LRCH1: variants seen among roughly 807,000 people sequenced by gnomAD.
LRCH1 encodes leucine-rich repeat and calponin homology domain-containing protein 1.
In LRCH1, 23 loss-of-function variants were observed where a neutral mutation model predicts 94.9. The ratio of observed to expected loss-of-function variants is 0.24; its 90% CI spans 0.17 to 0.34. The LOEUF (loss-of-function observed/expected upper bound fraction) is 0.34, where lower values mean the gene tolerates loss of function less well. Ranked by LOEUF, LRCH1 falls within the 10% of genes least tolerant of loss-of-function variation. LRCH1 has a pLI of 1.00. For missense variants in LRCH1, 790 were observed against 945.9 expected, an observed-to-expected ratio of 0.84 and a Z score of 2.16; for synonymous variants, 364 against 354.9, an observed-to-expected ratio of 1.03 and a Z score of -0.29.
rs143443151 is a variant in LRCH1, at chr13:46,615,722, A to G, written c.308-34479A>G. ...GTGTTCTCGTAATGTTTTTGTCCCC[A>G]AGATTGGATGTTTTTCAGTTGTATT... On this transcript the variant is annotated intron_variant, in intron 1 of 19. Transcript: ENST00000389797. Among the ~76,000 whole-genome samples the G allele has an allele frequency of 2.8e-3, 423 of 152,280 alleles. 4 individuals are homozygous for G. The highest frequency in any genetic ancestry group is 9.7e-3 in the African/African-American group (401 of 41,554).
chr13:46,700,777 GA>G (rs1446524250), intron 10 of LRCH1, among the ~76,000 whole-genome samples: 1 of 152,204 alleles, frequency 6.6e-6, no homozygotes, highest in African/African-American at 2.4e-5. Context: ...TCAGCCAGGT[GA>G]TCCCCTCCAT....
chr13:46,701,235 C>A, intron 11 of LRCH1, 28 bp downstream of exon 11: 1 of 1,494,466 alleles, frequency 6.7e-7, no homozygotes, highest in Non-Finnish European at 9.3e-7. Flanking sequence ...GTCCAGGTTT[C>A]ATGTGTAAAT....
chr13:46,637,702 G>T (rs540283275), intron 1 of LRCH1, among the ~76,000 whole-genome samples: 2 of 135,606 alleles, frequency 1.5e-5, no homozygotes, highest in African/African-American at 2.7e-5. Context: ...CGCTTCTCCC[G>T]CACTTCGTAG....
Position 46,742,075 on chromosome 13 carries a change from G to A in LRCH1, c.*227G>A. 1 of 1,391,832 alleles carries A rather than the reference G, an allele frequency of 7.2e-7. No individual in the cohort carries two copies. The highest frequency in any genetic ancestry group is 9.3e-7 in the Non-Finnish European group (1 of 1,073,202). 86.2% of individuals were successfully genotyped at this position (1,391,832 alleles called of 1,614,324 possible). ...TTACTGAAATACAACGACGACGACT[G>A]CAAAGTGTATGCACACCGCATGCTT... On this transcript the variant is annotated 3_prime_UTR_variant, in exon 20 of 20. Transcript: ENST00000389797.
intron 13 of LRCH1, among the ~76,000 whole-genome samples, chr13:46,710,883 T>C (rs1378586042): frequency 6.6e-6 from 1 of 152,170 alleles, no homozygotes; most frequent in Non-Finnish European, 1.5e-5. Flanking sequence ...AACTAGAGTG[T>C]GTCCCTTGTG....
At position 46,743,044 on chromosome 13, in the gene LRCH1, CTT is replaced by C; in HGVS notation, c.*1198_*1199del. The stretch of plus-strand genomic sequence containing the variant: ...AGAATGTCCCTGGATTCAGGGGTGT[CTT>C]TGTATAATATGAGAGGGCCTTGTTC... On this transcript the variant is annotated 3_prime_UTR_variant, in exon 20 of 20. Transcript: ENST00000389797. 1 of 985,386 alleles carries C rather than the reference CTT, an allele frequency of 1.0e-6. No homozygotes were observed. Among genetic ancestry groups the C allele is most frequent in the Non-Finnish European group, 1.2e-6 (1 of 829,900 alleles). 61.0% of individuals were successfully genotyped at this position (985,386 alleles called of 1,614,324 possible).
chr13:46,742,183 GAGA>G lies in LRCH1; in HGVS notation c.*337_*339del. 3 of 1,154,518 alleles carry G rather than the reference GAGA, an allele frequency of 2.6e-6. No individual in the cohort carries two copies. Among genetic ancestry groups the G allele is most frequent in the Non-Finnish European group, 3.2e-6 (3 of 933,202 alleles). The allele number at this position is 1,154,518 out of a possible 1,614,324, so 71.5% of individuals were successfully genotyped here. On this transcript the variant is annotated 3_prime_UTR_variant, in exon 20 of 20. Transcript: ENST00000389797. Reference sequence around the variant, plus strand: ...AGCTGCTGCCCTGGGCAGAGGGGAGGAGAATTCCAGGACAAGAGTGTCAAGGAC... The same window carrying G: ...AGCTGCTGCCCTGGGCAGAGGGGAGGATTCCAGGACAAGAGTGTCAAGGAC...
chr13:46,575,180 C>G (rs1457983582), intron 1 of LRCH1, among the ~76,000 whole-genome samples: 3 of 152,144 alleles, frequency 2.0e-5, no homozygotes, highest in Admixed American at 6.5e-5. Flanking sequence ...ACCACAGGAA[C>G]AGAGAACTGC....
chr13:46,630,714 G>A (rs1404655147), intron 1 of LRCH1, among the ~76,000 whole-genome samples: 2 of 152,152 alleles, frequency 1.3e-5, no homozygotes, highest in Non-Finnish European at 2.9e-5. Flanking sequence ...CATGGGGAGA[G>A]GTACATTTTG....
At chr13:46,707,275 G>A (rs1350506874) in intron 13 of LRCH1, among the ~76,000 whole-genome samples, 1 of 152,054 alleles carries the variant, frequency 6.6e-6, no homozygotes, top group African/African-American at 2.4e-5. Context: ...TTAATAGAAT[G>A]TTCCTCATTT....
At chr13:46,751,331 A>G (rs1019553086) in exon 19 of LRCH1, 1 of 152,114 alleles carries the variant, frequency 6.6e-6, no homozygotes, top group African/African-American at 2.4e-5. Context: ...AAAAAGCGAA[A>G]AACAGGTGCT....
chr13:46,677,585 T>C (rs2051695345), intron 3 of LRCH1, among the ~76,000 whole-genome samples: 2 of 152,236 alleles, frequency 1.3e-5, no homozygotes, highest in South Asian at 4.1e-4. Flanking sequence ...GAGCACTTAG[T>C]AACAAAAATA....
intron 5 of LRCH1, among the ~76,000 whole-genome samples, chr13:46,687,365 G>A (rs944134788): frequency 1.3e-5 from 2 of 152,106 alleles, no homozygotes; most frequent in East Asian, 3.8e-4. Context: ...TAAACTGCAT[G>A]AGAGAAAAAT....
chr13:46,668,067 T>A (rs7993865), intron 2 of LRCH1, among the ~76,000 whole-genome samples: 80,491 of 152,076 alleles, frequency 0.53, 22,065 homozygotes, highest in East Asian at 0.62. Context: ...ACTCTGTGGT[T>A]GTTGGCTTCA....
rs1288570749 is a variant in LRCH1, at chr13:46,735,788, C to CTTTTTTTTTTTTTTTTT, written c.2085+1794_2085+1795insTTTTTTTTTTTTTTTTT. Among the ~76,000 whole-genome samples, 2 of 69,912 alleles carry CTTTTTTTTTTTTTTTTT rather than the reference C, an allele frequency of 2.9e-5. 1 individual carries two copies. The allele number at this position is 69,912 out of a possible 152,430, so 45.9% of individuals were successfully genotyped here. A position where few individuals can be genotyped will look rare whatever the true frequency, so the allele number is the denominator to read the frequency against. ...AGGTGATTTTCCTTTTTTTCTTTTT[C>CTTTTTTTTTTTTTTTTT]TTTTCTTTTTTTTTTTTTTTTCGAG... is the stretch of plus-strand genomic sequence containing the variant. On this transcript the variant is annotated intron_variant, in intron 19 of 19. Transcript: ENST00000389797.
chr13:46,670,657 C>CCCG (rs1218696847), intron 3 of LRCH1, among the ~76,000 whole-genome samples: 1 of 151,800 alleles, frequency 6.6e-6, no homozygotes, highest in African/African-American at 2.4e-5. Context: ...CTGCCCATCC[C>CCCG]CCCCCAACCC....
At chr13:46,613,430 C>G (rs1362637105) in intron 1 of LRCH1, among the ~76,000 whole-genome samples, 1 of 151,824 alleles carries the variant, frequency 6.6e-6, no homozygotes, top group Non-Finnish European at 1.5e-5. Flanking sequence ...TGTATTTATA[C>G]TCTCTGCTCC....
At chr13:46,559,835 C>T (rs774202196) in intron 1 of LRCH1, among the ~76,000 whole-genome samples, 1 of 152,212 alleles carries the variant, frequency 6.6e-6, no homozygotes, top group Admixed American at 6.5e-5. Context: ...CAAATTAGCA[C>T]ACCCTGTCAT....
Position 46,743,873 on chromosome 13 carries a change from A to T in LRCH1, c.*2025A>T. On this transcript the variant is annotated 3_prime_UTR_variant, in exon 20 of 20. Coordinates refer to ENST00000389797, the MANE Select transcript of LRCH1 (RefSeq NM_001164211.2). ...AAACATGTTAAAGACAAATTAAAAG[A>T]CATTTATATTTTAATTCTGGCATCC... 1.0e-6 allele frequency: 1 copy of T among 984,548 alleles called. No homozygotes were observed. The highest frequency in any genetic ancestry group is 4.7e-5 in the South Asian group (1 of 21,268). The allele number at this position is 984,548 out of a possible 1,614,324, so 61.0% of individuals were successfully genotyped here. A position where few individuals can be genotyped will look rare whatever the true frequency, so the allele number is the denominator to read the frequency against.
Sources: gnomAD v4.1 joint callset for allele counts (sites outside exome capture counted in the v4.1 genomes callset) on GRCh38, gnomAD v4.1.1 for gene constraint, MANE v1.5 for transcripts, NCBI Gene and HGNC (gene_info 2026-07-23, HGNC 2026-07-21) for gene names.